The following IFT172 variants were observed in gnomAD, a reference collection of about 807,000 sequenced individuals.
IFT172 encodes the protein intraflagellar transport 172.
A neutral mutation model predicts 248.9 loss-of-function variants in IFT172; 164 were observed. The ratio of observed to expected loss-of-function variants is 0.66; its 90% CI spans 0.58 to 0.75. IFT172 has a LOEUF of 0.75. IFT172 is among the 30% of genes least tolerant of loss of function. The pLI is 0.00. For missense variants in IFT172, 1,950 were observed against 2,192.4 expected, an observed-to-expected ratio of 0.89 and a Z score of 2.21; for synonymous variants, 729 against 791.6, an observed-to-expected ratio of 0.92 and a Z score of 1.33.
At chr2:27,484,922 G>T in intron 3 of IFT172, 96 bp downstream of exon 3, 1 of 768,134 alleles carries the variant, frequency 1.3e-6, no homozygotes, top group Non-Finnish European at 2.3e-6. Flanking sequence ...GCCAAGCTTG[G>T]CTTCTCATCC....
intron 33 of IFT172, 35 bp downstream of exon 33, chr2:27,453,947 C>T: frequency 6.3e-7 from 1 of 1,577,668 alleles, no homozygotes; most frequent in Non-Finnish European, 8.6e-7. Context: ...ACAAACTCTC[C>T]CCCTCCCCTC....
Position 27,457,627 on chromosome 2 carries a change from T to G in IFT172, c.3228+12A>C. The G allele has an allele frequency of 6.2e-7, 1 of 1,607,934 alleles. No homozygotes were observed. Among genetic ancestry groups the G allele is most frequent in the Non-Finnish European group, 8.5e-7 (1 of 1,174,652 alleles). On this transcript the variant is annotated intron_variant, in intron 29 of 47. Coordinates refer to ENST00000260570, the MANE Select transcript of IFT172 (RefSeq NM_015662.3). ...GATGGATGTATCCCTCAGTGTGGCC[T>G]GAACTCCTTACCCTGTAGGCCTCTT...
At chr2:27,458,413 G>A (rs888870213) in intron 26 of IFT172, among the ~76,000 whole-genome samples, 190 bp from the exon 27 acceptor site, 2 of 152,218 alleles carry the variant, frequency 1.3e-5, no homozygotes, top group African/African-American at 4.8e-5. Context: ...ATTCTGCTAA[G>A]GTGGGAAGGT....
intron 29 of IFT172, 129 bp from the exon 30 acceptor site, chr2:27,456,782 T>C (rs1666198665): frequency 6.7e-6 from 9 of 1,343,114 alleles, no homozygotes; most frequent in Admixed American, 2.5e-5. Context: ...TGGTGGCTCA[T>C]ACCTATAATC....
chr2:27,461,693 A>G (rs534306113), intron 21 of IFT172, 66 bp downstream of exon 21: 3 of 1,596,576 alleles, frequency 1.9e-6, no homozygotes, highest in East Asian at 2.2e-5. Flanking sequence ...CCTCCTTGAC[A>G]AAAGGAGGTT....
In IFT172 at chr2:27,449,630, C is replaced by A. The variant is rs1182845101; in HGVS notation, c.4160+61G>T. ...ACCAACCCTCCCGGTAAGACTTTCTCCCAGTCTTTACAAAAGGAAGTAAAA... is the reference window on the plus strand; with the variant it reads ...ACCAACCCTCCCGGTAAGACTTTCTACCAGTCTTTACAAAAGGAAGTAAAA... On this transcript the variant is annotated intron_variant, in intron 37 of 47. Coordinates refer to ENST00000260570, the MANE Select transcript of IFT172 (RefSeq NM_015662.3). 1.9e-6 allele frequency: 3 copies of A among 1,610,326 alleles called. No homozygotes were observed. The East Asian group carries it at 6.7e-5, about 36-fold the overall frequency.
chr2:27,467,859 G>A (rs1421003523), intron 16 of IFT172, among the ~76,000 whole-genome samples: 4 of 151,514 alleles, frequency 2.6e-5, no homozygotes, highest in African/African-American at 4.9e-5. Flanking sequence ...TACTAAGCAG[G>A]ATAAATTTTA....
chr2:27,451,134 C>CT (rs890878879), intron 35 of IFT172, among the ~76,000 whole-genome samples: 22 of 152,236 alleles, frequency 1.4e-4, no homozygotes, highest in African/African-American at 5.1e-4. Flanking sequence ...TGAGATCACT[C>CT]TGTTTCCATT....
chr2:27,463,405 A>G (rs1666834039), intron 18 of IFT172, among the ~76,000 whole-genome samples: 1 of 152,184 alleles, frequency 6.6e-6, no homozygotes, highest in Admixed American at 6.5e-5. Flanking sequence ...AAAATAAAAT[A>G]AAGTAATGTA....
intron 7 of IFT172, among the ~76,000 whole-genome samples, chr2:27,482,218 G>A (rs1171906456): frequency 6.6e-6 from 1 of 151,816 alleles, no homozygotes; most frequent in African/African-American, 2.4e-5. Context: ...CCTGACCTCA[G>A]GTCATCCACC....
intron 25 of IFT172, 90 bp from the exon 26 acceptor site, chr2:27,458,958 T>C (rs1205231570): frequency 7.5e-7 from 1 of 1,331,432 alleles, no homozygotes; most frequent in African/African-American, 1.5e-5. Flanking sequence ...GCTGGGATGG[T>C]GGAGAGCCTG....
At position 27,446,000 on chromosome 2, in the gene IFT172, A is replaced by G; in HGVS notation, c.4756-12T>C. 6.2e-7 allele frequency: 1 copy of G among 1,614,226 alleles called. No homozygotes were observed. Among genetic ancestry groups the G allele is most frequent in the Non-Finnish European group, 8.5e-7 (1 of 1,180,032 alleles). ...TCCCAGCCAACTGCCTGCAGCAAAG[A>G]AGAGTTGCAAATGGGAGTGAACAAG... On this transcript the variant is annotated splice_polypyrimidine_tract_variant and intron_variant, in intron 43 of 47. Transcript: ENST00000260570. This position sits in a 1 kb window ranked among gnomAD's most constrained non-coding sequence, Gnocchi z 4.4.
At chr2:27,451,956 TTAAAATATAA>T (rs1665713900) in intron 35 of IFT172, among the ~76,000 whole-genome samples, 1 of 147,592 alleles carries the variant, frequency 6.8e-6, no homozygotes, top group African/African-American at 2.6e-5. Context: ...TTTAAATATA[TTAAAATATAA>T]TTATATATAT....
In IFT172 at chr2:27,453,458, T is replaced by C. The variant is rs780413940; in HGVS notation, c.3877A>G (p.Ser1293Gly). The C allele has an allele frequency of 1.2e-6, 2 of 1,614,212 alleles. No individual in the cohort carries two copies. Among genetic ancestry groups the C allele is most frequent in the Admixed American group, 3.3e-5 (2 of 60,028 alleles). ...ARHWEQAGEY[S>G]RAVDCYLKVR... ...TTGAGGTAGCAGTCCACGGCACGGC[T>C]GTACTCTCCAGCCTGCTCCCAGTGT... The change falls in exon 35 of 48, where the codon AGC (serine) becomes GGC (glycine). Residue 1293 changes from serine to glycine, a missense_variant. Around this residue, in one of 3 missense-constraint regions of IFT172, gnomAD observed 620 missense variants for 699.0 expected, o/e 0.89. Transcript: ENST00000260570.
intron 13 of IFT172, 21 bp downstream of exon 13, chr2:27,477,196 C>G: frequency 6.3e-7 from 1 of 1,594,302 alleles, no homozygotes; most frequent in Non-Finnish European, 8.6e-7. Context: ...TTCAGGGATT[C>G]AGAGAATCTT....
Position 27,480,086 on chromosome 2 carries a change from A to C in IFT172, c.849T>G (p.Ile283Met). The C allele has an allele frequency of 3.7e-6, 6 of 1,614,026 alleles. No homozygotes were observed. The highest frequency in any genetic ancestry group is 5.1e-6 in the Non-Finnish European group (6 of 1,179,936). ...SIWEEAKPKE[I>M]TNLYTITALA... ...AGGCAGTGATGGTGTATAAATTGGT[A>C]ATCTCCTTGGGCTTTGCCTCTTCCC... is the stretch of plus-strand genomic sequence containing the variant. Residue 283 changes from isoleucine (I) to methionine (M), a missense_variant, in exon 9 of 48, where the codon ATT becomes ATG. Ile to Met is a conservative substitution (Grantham distance 10). Transcript: ENST00000260570.
intron 30 of IFT172, chr2:27,455,482 G>A (rs1021443655): frequency 4.7e-6 from 1 of 214,646 alleles, no homozygotes; most frequent in African/African-American, 2.4e-5. Flanking sequence ...GCCAAGGCAG[G>A]TGGATCACAA....
At position 27,485,031 on chromosome 2, in the gene IFT172, T is replaced by G; in HGVS notation, c.283A>C (p.Ile95Leu). 1 of 1,575,138 alleles carries G rather than the reference T, an allele frequency of 6.3e-7. No individual in the cohort carries two copies. The highest frequency in any genetic ancestry group is 8.7e-7 in the Non-Finnish European group (1 of 1,145,398). ...CTCTATCCTCACCAATCTTCTCCAA[T>G]CTTGTAGACATAGATGATGTTGTCA... ...QTDNIIYVYK[I>L]GEDWGDKKVI... Residue 95 changes from isoleucine (I) to leucine (L), a missense_variant, in exon 3 of 48, where the codon ATT becomes CTT. Ile to Leu is a conservative substitution (Grantham distance 5). Coordinates refer to ENST00000260570, the MANE Select transcript of IFT172 (RefSeq NM_015662.3).
At chr2:27,464,764 C>G (rs568487652) in intron 18 of IFT172, among the ~76,000 whole-genome samples, 1 of 151,850 alleles carries the variant, frequency 6.6e-6, no homozygotes, top group Admixed American at 6.6e-5. Context: ...ACCACAGGTG[C>G]GCATCACCAT....
Sources: allele counts gnomAD v4.1 joint callset (sites outside exome capture counted in the v4.1 genomes callset), GRCh38; gene constraint gnomAD v4.1.1; regional missense constraint gnomAD v4.1.1; non-coding constraint Gnocchi (gnomAD v3.1); transcripts MANE v1.5; gene names NCBI Gene and HGNC (gene_info 2026-07-23, HGNC 2026-07-21).